Variants in DOK6 observed in about 807,000 individuals in gnomAD.
DOK6 encodes downstream of tyrosine kinase 6.
Under a neutral mutation model 44.0 loss-of-function variants are expected in DOK6, and 22 were observed. The ratio of observed to expected loss-of-function variants is 0.50; its 90% confidence interval spans 0.36 to 0.71. DOK6 has a LOEUF of 0.71. DOK6 is among the 30% of genes least tolerant of loss of function. DOK6 has a pLI of 0.00. For missense variants in DOK6, 340 were observed against 416.4 expected, an observed-to-expected ratio of 0.82 and a Z score of 1.60; for synonymous variants, 166 against 145.5, an observed-to-expected ratio of 1.14 and a Z score of -1.01.
At chr18:69,482,732 G>A (rs920335533) in intron 1 of DOK6, among the ~76,000 whole-genome samples, 8 of 151,780 alleles carry the variant, frequency 5.3e-5, no homozygotes, top group Non-Finnish European at 2.9e-5. Context: ...CTAGCTAGGA[G>A]CTTCTGTTAT....
intron 4 of DOK6, among the ~76,000 whole-genome samples, chr18:69,689,605 T>G (rs2144695049): frequency 6.6e-6 from 1 of 152,318 alleles, no homozygotes; most frequent in East Asian, 1.9e-4. Context: ...TGTGTGATTC[T>G]TATAAGAGTT....
intron 4 of DOK6, among the ~76,000 whole-genome samples, chr18:69,694,856 T>C (rs934403961): frequency 1.3e-5 from 2 of 152,236 alleles, no homozygotes; most frequent in African/African-American, 2.4e-5. Flanking sequence ...TTGTCAATCA[T>C]CTGATAAGGA....
At chr18:69,650,858 C>G (rs770198326) in intron 3 of DOK6, among the ~76,000 whole-genome samples, 21 of 152,148 alleles carry the variant, frequency 1.4e-4, no homozygotes, top group Non-Finnish European at 2.1e-4. Flanking sequence ...TTTCCAAATA[C>G]CCATACTTTT....
rs1978718947 is a variant in DOK6 at position 69,739,181 on chromosome 18, G to A, written c.738+78G>A. ...TCTGATGTACACTGTGTATGTGTGG[G>A]GCCATTCATGTCAGCGCCTGGGTGT... On this transcript the variant is annotated intron_variant, in intron 6 of 7. Coordinates refer to ENST00000382713, the MANE Select transcript of DOK6 (RefSeq NM_152721.6). The A allele has an allele frequency of 3.8e-6, 6 of 1,565,594 alleles. No individual in the cohort carries two copies. The South Asian group carries it at 7.2e-5, about 19-fold the overall frequency.
At chr18:69,680,544 G>A (rs1986021275) in intron 4 of DOK6, among the ~76,000 whole-genome samples, 1 of 152,128 alleles carries the variant, frequency 6.6e-6, no homozygotes, top group Non-Finnish European at 1.5e-5. Context: ...TAAACATTGA[G>A]GCAATATCAA....
chr18:69,572,626 C>T (rs553529688), intron 2 of DOK6, among the ~76,000 whole-genome samples: 20 of 151,816 alleles, frequency 1.3e-4, no homozygotes, highest in African/African-American at 4.1e-4. Context: ...AGCAATCCAA[C>T]GTTTGGAAGA....
chr18:69,688,214 A>G (rs1282423057), intron 4 of DOK6, among the ~76,000 whole-genome samples: 2 of 152,198 alleles, frequency 1.3e-5, no homozygotes, highest in Non-Finnish European at 2.9e-5. Flanking sequence ...GAAATGATAA[A>G]CCACTTTTAT....
intron 5 of DOK6, among the ~76,000 whole-genome samples, chr18:69,735,707 C>G (rs1978583215): frequency 1.3e-5 from 2 of 152,172 alleles, no homozygotes; most frequent in African/African-American, 4.8e-5. Context: ...AACAGGCATC[C>G]CCGCTAGGCT....
At chr18:69,614,688 T>C (rs1984243833) in intron 3 of DOK6, among the ~76,000 whole-genome samples, 1 of 152,136 alleles carries the variant, frequency 6.6e-6, no homozygotes, top group Non-Finnish European at 1.5e-5. Flanking sequence ...TTTGCATCCG[T>C]GTTACAGCTG....
chr18:69,617,242 C>T (rs1285199062), intron 3 of DOK6, among the ~76,000 whole-genome samples: 2 of 151,760 alleles, frequency 1.3e-5, no homozygotes, highest in African/African-American at 4.8e-5. Flanking sequence ...ATAGAGTGAG[C>T]CCAAGAGGTT....
At position 69,842,451 on chromosome 18, in the gene DOK6, C is replaced by T. The variant is rs913207946; in HGVS notation, c.*1068C>T. 2 of 152,138 alleles carry T rather than the reference C, an allele frequency of 1.3e-5. No homozygotes were observed. Among genetic ancestry groups the T allele is most frequent in the Non-Finnish European group, 2.9e-5 (2 of 68,020 alleles). The allele number at this position is 152,138 out of a possible 1,614,324, so 9.4% of individuals were successfully genotyped here. A position where few individuals can be genotyped will look rare whatever the true frequency, so the allele number is the denominator to read the frequency against. ...AACTCTTTAAGAAAGAAAGAATACA[C>T]CCATAAAGAACTCAGCTATTTTGCA... is the stretch of plus-strand genomic sequence containing the variant. On this transcript the variant is annotated 3_prime_UTR_variant, in exon 8 of 8. Transcript: ENST00000382713.
At chr18:69,713,561 C>T (rs1213255377) in intron 5 of DOK6, among the ~76,000 whole-genome samples, 1 of 152,140 alleles carries the variant, frequency 6.6e-6, no homozygotes, top group Non-Finnish European at 1.5e-5. Flanking sequence ...TAAAGGTGAC[C>T]TTGCACCCTG....
Position 69,473,645 on chromosome 18 carries a change from C to T in DOK6, c.66+72335C>T, listed in dbSNP as rs192105791. Among the ~76,000 whole-genome samples, 598 of 152,312 alleles carry T rather than the reference C, an allele frequency of 3.9e-3. 12 individuals are homozygous for T. Among genetic ancestry groups the T allele is most frequent in the Non-Finnish European group, 2.7e-3 (185 of 68,024 alleles). On this transcript the variant is annotated intron_variant, in intron 1 of 7. Coordinates refer to ENST00000382713, the MANE Select transcript of DOK6 (RefSeq NM_152721.6). ...ATAGTGGCTCGCTGGCAGACCAATC[C>T]CATGTCCTTGCTAGGTCATATGCAG...
In DOK6 at chr18:69,759,502, T is replaced by C. The variant is rs181596210; in HGVS notation, c.856+1629T>C. Among the ~76,000 whole-genome samples the C allele has an allele frequency of 3.2e-4, 48 of 152,318 alleles. 1 individual carries two copies. Among genetic ancestry groups the C allele is most frequent in the Admixed American group, 2.9e-3 (44 of 15,292 alleles). On this transcript the variant is annotated intron_variant, in intron 7 of 7. Coordinates refer to ENST00000382713, the MANE Select transcript of DOK6 (RefSeq NM_152721.6). ...TGGGAATAGGTCAGAAGTAGTATAA[T>C]AACTCTAGTTTTTGTCAAGGGTTTG... is the stretch of plus-strand genomic sequence containing the variant.
At chr18:69,654,043 AC>A (rs1449751118) in intron 3 of DOK6, among the ~76,000 whole-genome samples, 1 of 152,228 alleles carries the variant, frequency 6.6e-6, no homozygotes, top group Non-Finnish European at 1.5e-5. Context: ...AATGAATCAA[AC>A]AAAAATTCTG....
chr18:69,652,763 A>T (rs1396897141), intron 3 of DOK6, among the ~76,000 whole-genome samples: 1 of 152,238 alleles, frequency 6.6e-6, no homozygotes, highest in Admixed American at 6.5e-5. Context: ...CAAGCAGCGT[A>T]CATACAGCCT....
At chr18:69,410,817 A>T (rs1213415115) in intron 1 of DOK6, among the ~76,000 whole-genome samples, 1 of 152,182 alleles carries the variant, frequency 6.6e-6, no homozygotes, top group Non-Finnish European at 1.5e-5. Context: ...TGAACAATGC[A>T]ATCATGATTT....
intron 5 of DOK6, among the ~76,000 whole-genome samples, chr18:69,709,627 A>C (rs1217321953): frequency 6.6e-6 from 1 of 152,182 alleles, no homozygotes; most frequent in Non-Finnish European, 1.5e-5. Context: ...TATTATATGT[A>C]CTTGATCATG....
intron 6 of DOK6, among the ~76,000 whole-genome samples, chr18:69,742,815 T>C (rs1378735940): frequency 1.3e-5 from 2 of 152,220 alleles, no homozygotes; most frequent in Admixed American, 6.5e-5. Context: ...CATACCTCAA[T>C]GTATGTATGG....
Sources: gnomAD v4.1 joint callset for allele counts (sites outside exome capture counted in the v4.1 genomes callset) on GRCh38, gnomAD v4.1.1 for gene constraint, MANE v1.5 for transcripts, NCBI Gene and HGNC (gene_info 2026-07-23, HGNC 2026-07-21) for gene names.